ARHGAP20: variants seen among roughly 807,000 people sequenced by gnomAD.
ARHGAP20 encodes Rho GTPase activating protein 20.
In ARHGAP20, 34 loss-of-function variants were observed where a neutral mutation model predicts 73.7. The observed-to-expected ratio is 0.46, with a 90% confidence interval of 0.35 to 0.61. The LOEUF is 0.61. ARHGAP20 is among the 20% of genes least tolerant of loss of function. The pLI, the probability that ARHGAP20 is intolerant of heterozygous loss-of-function variation, is 0.00. For missense variants in ARHGAP20, 1,314 were observed against 1,420.9 expected, an observed-to-expected ratio of 0.92 and a Z score of 1.21; for synonymous variants, 523 against 518.2, an observed-to-expected ratio of 1.01 and a Z score of -0.13.
chr11:110,636,335 T>C (rs1441549903), intron 2 of ARHGAP20, among the ~76,000 whole-genome samples: 1 of 152,132 alleles, frequency 6.6e-6, no homozygotes, highest in Non-Finnish European at 1.5e-5. Context: ...TTCCAAAACA[T>C]TTAAATGTTT....
intron 2 of ARHGAP20, among the ~76,000 whole-genome samples, chr11:110,685,751 T>C (rs770416317): frequency 7.9e-5 from 12 of 152,132 alleles, no homozygotes; most frequent in African/African-American, 1.9e-4. Context: ...TATGGGACAA[T>C]AGTAAAAGTA....
intron 6 of ARHGAP20, among the ~76,000 whole-genome samples, chr11:110,614,168 A>T (rs1948432479): frequency 6.6e-6 from 1 of 151,210 alleles, no homozygotes; most frequent in African/African-American, 2.5e-5. Flanking sequence ...GTTGGGAAAA[A>T]AATTGCTTAA....
chr11:110,695,955 G>A (rs1328947851), intron 1 of ARHGAP20, among the ~76,000 whole-genome samples: 2 of 151,558 alleles, frequency 1.3e-5, no homozygotes, highest in African/African-American at 2.4e-5. Context: ...ACAAAATGTG[G>A]TATATCTATA....
chr11:110,583,442 C>G (rs887586508), intron 13 of ARHGAP20, 106 bp downstream of exon 13: 2 of 1,014,474 alleles, frequency 2.0e-6, no homozygotes, highest in Non-Finnish European at 1.4e-6. Flanking sequence ...TATAAGGATA[C>G]GGTATATTTA....
intron 2 of ARHGAP20, among the ~76,000 whole-genome samples, chr11:110,665,719 T>G (rs1949710640): frequency 1.3e-5 from 2 of 152,168 alleles, no homozygotes; most frequent in Admixed American, 1.3e-4. Flanking sequence ...AAGTTTTATC[T>G]GAGAACTGAT....
At chr11:110,651,256 T>C (rs950387077) in intron 2 of ARHGAP20, among the ~76,000 whole-genome samples, 1 of 152,144 alleles carries the variant, frequency 6.6e-6, no homozygotes, top group African/African-American at 2.4e-5. Flanking sequence ...GGGAAATTTA[T>C]AGCACTAAAT....
intron 2 of ARHGAP20, among the ~76,000 whole-genome samples, chr11:110,643,169 TTTG>T (rs556025016): frequency 3.9e-4 from 60 of 152,208 alleles, no homozygotes; most frequent in South Asian, 1.0e-3. Context: ...CTTCTTTTTC[TTTG>T]TTATTATACC....
chr11:110,711,958 G>GC (rs1950669887), intron 1 of ARHGAP20, 169 bp downstream of exon 1: 1 of 1,252,644 alleles, frequency 8.0e-7, no homozygotes, highest in Non-Finnish European at 1.0e-6. Flanking sequence ...GCTGCCGCTG[G>GC]CCGTCAAGGG....
In ARHGAP20 at chr11:110,577,054, C is replaced by T; in HGVS notation, c.*2316G>A. On this transcript the variant is annotated 3_prime_UTR_variant, in exon 15 of 15. Coordinates refer to ENST00000683387, the MANE Select transcript of ARHGAP20 (RefSeq NM_001384657.1). The stretch of plus-strand genomic sequence containing the variant: ...TATTGCTCTGGTGGGATGGTTAATT[C>T]TGCAGAATGGCATTTTATTTAACAG... 2 of 1,429,504 alleles carry T rather than the reference C, an allele frequency of 1.4e-6. No homozygotes were observed. Among genetic ancestry groups the T allele is most frequent in the Non-Finnish European group, 9.4e-7 (1 of 1,060,684 alleles). The allele number at this position is 1,429,504 out of a possible 1,614,324, so 88.6% of individuals were successfully genotyped here. A position where few individuals can be genotyped will look rare whatever the true frequency, so the allele number is the denominator to read the frequency against.
rs148304862 is a variant in ARHGAP20 at position 110,579,405 on chromosome 11, C to T, written c.3541G>A (p.Asp1181Asn). The T allele has an allele frequency of 2.9e-5, 47 of 1,605,886 alleles. No homozygotes were observed. The highest frequency in any genetic ancestry group is 3.3e-5 in the South Asian group (3 of 90,858). ...SPDSGPTVVC[D>N]IEDRYLTKDI ...TTGGTTAAATACCTGTCCTCAATGT[C>T]GCAGACCACTGTAGGCCCTGAGTCT... Residue 1181 changes from aspartate to asparagine, a missense_variant, in exon 15 of 15, where the codon GAC (aspartate) becomes AAC (asparagine). Physicochemically the swap from Asp to Asn is conservative, Grantham distance 23. This residue lies in a region of ARHGAP20 where 641 missense variants were observed against 636.9 expected (regional missense o/e 1.01). Coordinates refer to ENST00000683387, the MANE Select transcript of ARHGAP20 (RefSeq NM_001384657.1).
intron 2 of ARHGAP20, among the ~76,000 whole-genome samples, chr11:110,648,160 T>TAC (rs1555094831): frequency 1.2e-5 from 1 of 80,480 alleles, no homozygotes; most frequent in Admixed American, 1.4e-4. Context: ...ATATAATATA[T>TAC]ATATATATGT....
At position 110,577,380 on chromosome 11, in the gene ARHGAP20, A is replaced by G; in HGVS notation, c.*1990T>C. ...AAGAATTACAGGAGTATCTAAGGGA[A>G]CACAGATAGTAGGAATGGTTATTAA... On this transcript the variant is annotated 3_prime_UTR_variant, in exon 15 of 15. Transcript: ENST00000683387. 1 of 1,195,658 alleles carries G rather than the reference A, an allele frequency of 8.4e-7. No homozygotes were observed. Among genetic ancestry groups the G allele is most frequent in the South Asian group, 4.1e-5 (1 of 24,344 alleles). 74.1% of individuals were successfully genotyped at this position (1,195,658 alleles called of 1,614,324 possible). A position where few individuals can be genotyped will look rare whatever the true frequency, so the allele number is the denominator to read the frequency against.
chr11:110,627,697 G>A (rs1158080983), intron 3 of ARHGAP20, among the ~76,000 whole-genome samples: 1 of 152,150 alleles, frequency 6.6e-6, no homozygotes. Context: ...CATAAAATAT[G>A]ATAATAGTGA....
intron 2 of ARHGAP20, among the ~76,000 whole-genome samples, chr11:110,684,212 T>C (rs1459535452): frequency 2.0e-5 from 3 of 152,086 alleles, no homozygotes; most frequent in East Asian, 1.9e-4. Context: ...GGCTAGAGAG[T>C]ATGATGTGTT....
rs1950666926 is a variant in ARHGAP20, at chr11:110,711,872, G to A, written c.105+255C>T. On this transcript the variant is annotated intron_variant, in intron 1 of 14. Transcript: ENST00000683387. ...AACCGGCGGCGGATGGAGACGGGAGGGAGGCTGCGAGGTCGCTCGAGGAGA... is the reference window on the plus strand; with the variant it reads ...AACCGGCGGCGGATGGAGACGGGAGAGAGGCTGCGAGGTCGCTCGAGGAGA... 9.1e-6 allele frequency: 12 copies of A among 1,314,468 alleles called. No homozygotes were observed. In the East Asian group the frequency reaches 3.1e-4, roughly 34 times the overall value. The allele number at this position is 1,314,468 out of a possible 1,614,324, so 81.4% of individuals were successfully genotyped here.
chr11:110,706,475 T>C lies in ARHGAP20; in HGVS notation c.105+5652A>G, dbSNP rs1435621177. 2.6e-5 allele frequency among the ~76,000 whole-genome samples: 4 copies of C among 152,274 alleles called. No homozygotes were observed. In the East Asian group the frequency reaches 5.8e-4, roughly 22 times the overall value. On this transcript the variant is annotated intron_variant, in intron 1 of 14. Coordinates refer to ENST00000683387, the MANE Select transcript of ARHGAP20 (RefSeq NM_001384657.1). The stretch of plus-strand genomic sequence containing the variant: ...GTATTTTTATTCAAGTTCCTCCTCA[T>C]GATATTTGATATTTATGGCTTCCAA...
At chr11:110,638,719 A>C (rs1949018881) in intron 2 of ARHGAP20, among the ~76,000 whole-genome samples, 1 of 152,020 alleles carries the variant, frequency 6.6e-6, no homozygotes, top group African/African-American at 2.4e-5. Context: ...AGGAAGCTGG[A>C]AACCATCATT....
At chr11:110,654,854 A>G (rs1949430604) in intron 2 of ARHGAP20, among the ~76,000 whole-genome samples, 1 of 152,238 alleles carries the variant, frequency 6.6e-6, no homozygotes, top group African/African-American at 2.4e-5. Flanking sequence ...CAATACAATT[A>G]TATTGTAAAT....
intron 2 of ARHGAP20, among the ~76,000 whole-genome samples, chr11:110,664,147 T>C (rs570966847): frequency 6.6e-6 from 1 of 152,146 alleles, no homozygotes; most frequent in African/African-American, 2.4e-5. Flanking sequence ...CTAGAACCAC[T>C]TCTCTTCAAC....
Sources: gnomAD v4.1 joint callset for allele counts (sites outside exome capture counted in the v4.1 genomes callset) on GRCh38, gnomAD v4.1.1 for gene constraint, gnomAD v4.1.1 regional missense constraint, MANE v1.5 for transcripts, NCBI Gene and HGNC (gene_info 2026-07-23, HGNC 2026-07-21) for gene names.